Variants in EIF4ENIF1 observed in about 807,000 individuals in gnomAD.
EIF4ENIF1 encodes the protein eukaryotic translation initiation factor 4E nuclear import factor 1.
In EIF4ENIF1, 23 loss-of-function variants were observed where a neutral mutation model predicts 110.5. The ratio of observed to expected loss-of-function variants is 0.21; its 90% CI spans 0.15 to 0.29. EIF4ENIF1 has a LOEUF of 0.29. EIF4ENIF1 is among the 10% of genes least tolerant of loss of function. EIF4ENIF1 has a pLI of 1.00. For synonymous variants in EIF4ENIF1, 440 were observed against 437.0 expected, an observed-to-expected ratio of 1.01 and a Z score of -0.09; for missense variants, 1,031 against 1,221.1, an observed-to-expected ratio of 0.84 and a Z score of 2.32.
At position 31,480,444 on chromosome 22, in the gene EIF4ENIF1, T is replaced by C. The variant is rs1174837406; in HGVS notation, c.96+8179A>G. ...TGTAGAATTTCACATAAGTCACATT[T>C]ATGGAAGGGGGATTAAAAGGGAAAT... On this transcript the variant is annotated intron_variant, in intron 2 of 18. Transcript: ENST00000330125. Among the ~76,000 whole-genome samples, 31 of 152,216 alleles carry C rather than the reference T, an allele frequency of 2.0e-4. 1 individual carries two copies. The highest frequency in any genetic ancestry group is 2.0e-3 in the Admixed American group (30 of 15,274).
chr22:31,486,469 AAAT>A (rs1468501800), intron 2 of EIF4ENIF1, among the ~76,000 whole-genome samples: 2 of 151,536 alleles, frequency 1.3e-5, no homozygotes, highest in African/African-American at 4.8e-5. Flanking sequence ...GGCTCAAAAA[AAAT>A]AATAAACAAA....
At position 31,441,917 on chromosome 22, in the gene EIF4ENIF1, G is replaced by C; in HGVS notation, c.2408C>G (p.Pro803Arg). ...AACTTGGTGGACAGGGCGGAGAAAA[G>C]GTGTTGTAGGAACTGGGGATGCCAA... ...PTLASPVPTT[P>R]FLRPVHQVPL... Residue 803 changes from proline (P) to arginine (R), a missense_variant, in exon 17 of 19, where the codon CCT (proline) becomes CGT (arginine). By Grantham distance (103) the Pro-to-Arg change is moderately radical. This residue lies in a region of EIF4ENIF1 where 309 missense variants were observed against 299.1 expected (regional missense o/e 1.03). Transcript: ENST00000330125. 6.2e-7 allele frequency: 1 copy of C among 1,614,174 alleles called. No individual in the cohort carries two copies. Among genetic ancestry groups the C allele is most frequent in the Non-Finnish European group, 8.5e-7 (1 of 1,180,030 alleles).
chr22:31,478,914 T>C (rs1283635426), intron 2 of EIF4ENIF1, among the ~76,000 whole-genome samples: 2 of 143,474 alleles, frequency 1.4e-5, no homozygotes, highest in African/African-American at 2.6e-5. Flanking sequence ...ATCGCACCAC[T>C]GCACCCCAGC....
intron 2 of EIF4ENIF1, among the ~76,000 whole-genome samples, chr22:31,484,071 A>C (rs1204737906): frequency 1.3e-5 from 2 of 152,188 alleles, no homozygotes; most frequent in African/African-American, 2.4e-5. Context: ...GACACCACCA[A>C]CACCATTTAT....
chr22:31,440,013 T>C lies in EIF4ENIF1; in HGVS notation c.2825A>G (p.Glu942Gly). The part of the protein sequence containing the change: ...SGLPHMHSQL[E>G]HRPSQRSSSP... Reference sequence around the variant, plus strand: ...GCTGCTCCTCTGGCTGGGGCGATGCTCCAGCTGGGAGTGCATGTGGGGCAG... The same window carrying C: ...GCTGCTCCTCTGGCTGGGGCGATGCCCCAGCTGGGAGTGCATGTGGGGCAG... Residue 942 changes from glutamate (E) to glycine (G), a missense_variant, in exon 19 of 19, where the codon GAG becomes GGG. Transcript: ENST00000330125. 2.5e-6 allele frequency: 4 copies of C among 1,613,926 alleles called. No individual in the cohort carries two copies. The highest frequency in any genetic ancestry group is 3.4e-6 in the Non-Finnish European group (4 of 1,179,908).
chr22:31,486,398 A>G (rs886994235), intron 2 of EIF4ENIF1, among the ~76,000 whole-genome samples: 1 of 152,010 alleles, frequency 6.6e-6, no homozygotes, highest in Non-Finnish European at 1.5e-5. Flanking sequence ...AGGGAGGCAG[A>G]GGTTGCAGTG....
chr22:31,455,498 AAGCG>A (rs2050787779), intron 8 of EIF4ENIF1, among the ~76,000 whole-genome samples, 183 bp from the exon 9 acceptor site: 1 of 150,816 alleles, frequency 6.6e-6, no homozygotes, highest in Admixed American at 6.6e-5. Flanking sequence ...TGCCAGTTTC[AAGCG>A]ATTCTCCTGC....
Position 31,440,002 on chromosome 22 carries a change from T to A in EIF4ENIF1, c.2836A>T (p.Ser946Cys), listed in dbSNP as rs755627422. Residue 946 changes from serine to cysteine, a missense_variant, in exon 19 of 19, where the codon AGC (serine) becomes TGC (cysteine). Coordinates refer to ENST00000330125, the MANE Select transcript of EIF4ENIF1 (RefSeq NM_019843.4). ...CCCACAGGGGAGCTGCTCCTCTGGC[T>A]GGGGCGATGCTCCAGCTGGGAGTGC... ...HMHSQLEHRP[S>C]QRSSSPVGLA... The A allele has an allele frequency of 3.1e-6, 5 of 1,613,892 alleles. No individual in the cohort carries two copies. The highest frequency in any genetic ancestry group is 4.2e-6 in the Non-Finnish European group (5 of 1,179,944).
chr22:31,482,274 G>T (rs1341865075), intron 2 of EIF4ENIF1, among the ~76,000 whole-genome samples: 1 of 152,162 alleles, frequency 6.6e-6, no homozygotes, highest in Non-Finnish European at 1.5e-5. Context: ...AATGTTCTGA[G>T]TGTCTCTGCT....
At chr22:31,443,753 T>C (rs879441001) in intron 15 of EIF4ENIF1, among the ~76,000 whole-genome samples, 4 of 151,686 alleles carry the variant, frequency 2.6e-5, no homozygotes, top group Non-Finnish European at 4.4e-5. Context: ...TTTTTTTTTT[T>C]CCTTCTTCTC....
chr22:31,447,545 T>C lies in EIF4ENIF1; in HGVS notation c.1869A>G (p.Gln623=), dbSNP rs2050513097. The change falls in exon 14 of 19, where the codon CAA becomes CAG. Residue 623 remains glutamine, a synonymous_variant. Transcript: ENST00000330125. ...ITAQMSQLEL[Q]QAALEGLALP... Reference sequence around the variant, plus strand: ...AGGCCAGCCCTTCTAAAGCTGCCTGTTGCAACTCCAGCTGGCTCATCTGCT... The same window carrying C: ...AGGCCAGCCCTTCTAAAGCTGCCTGCTGCAACTCCAGCTGGCTCATCTGCT... 6.2e-7 allele frequency: 1 copy of C among 1,606,524 alleles called. No individual in the cohort carries two copies. Among genetic ancestry groups the C allele is most frequent in the Non-Finnish European group, 8.5e-7 (1 of 1,175,032 alleles).
intron 6 of EIF4ENIF1, among the ~76,000 whole-genome samples, chr22:31,461,253 GT>G (rs2050984180): frequency 6.6e-6 from 1 of 152,178 alleles, no homozygotes; most frequent in Non-Finnish European, 1.5e-5. Context: ...TGGCTCTACA[GT>G]GCCTCCTTCC....
chr22:31,454,290 G>T lies in EIF4ENIF1; in HGVS notation c.1366C>A (p.Pro456Thr). 6.2e-7 allele frequency: 1 copy of T among 1,614,110 alleles called. No homozygotes were observed. Among genetic ancestry groups the T allele is most frequent in the Non-Finnish European group, 8.5e-7 (1 of 1,180,024 alleles). The change falls in exon 10 of 19, where the codon CCC becomes ACC. Residue 456 changes from proline to threonine, a missense_variant. Physicochemically the swap from Pro to Thr is conservative, Grantham distance 38. Around this residue, in one of 3 missense-constraint regions of EIF4ENIF1, gnomAD observed 704 missense variants for 879.7 expected, o/e 0.80. Coordinates refer to ENST00000330125, the MANE Select transcript of EIF4ENIF1 (RefSeq NM_019843.4). The part of the protein sequence containing the change: ...KVDQQVKNST[P>T]FMAEHLEETL... ...TCTTCTAGGTGTTCTGCCATGAAGGGAGTTGAATTCTTCACTTGCTGGTCA... is the reference window on the plus strand; with the variant it reads ...TCTTCTAGGTGTTCTGCCATGAAGGTAGTTGAATTCTTCACTTGCTGGTCA...
chr22:31,469,986 A>C (rs2051310758), intron 3 of EIF4ENIF1, among the ~76,000 whole-genome samples: 1 of 151,886 alleles, frequency 6.6e-6, no homozygotes, highest in Non-Finnish European at 1.5e-5. Flanking sequence ...CAACATGGTG[A>C]AACCCCGTCT....
intron 3 of EIF4ENIF1, among the ~76,000 whole-genome samples, chr22:31,471,572 C>T (rs928137590): frequency 1.3e-5 from 2 of 152,186 alleles, no homozygotes; most frequent in Non-Finnish European, 2.9e-5. Context: ...CCTTGGCCTC[C>T]CAAAGTGCTG....
Position 31,454,125 on chromosome 22 carries a change from G to A in EIF4ENIF1, c.1512+19C>T, listed in dbSNP as rs1157541015. The A allele has an allele frequency of 1.9e-6, 3 of 1,603,714 alleles. No individual in the cohort carries two copies. Among genetic ancestry groups the A allele is most frequent in the African/African-American group, 2.7e-5 (2 of 74,806 alleles). On this transcript the variant is annotated intron_variant, in intron 10 of 18. Transcript: ENST00000330125. ...AAAAAAAAGGAGAAAAGGGTGGGGG[G>A]TTTGTGTCAGATACTTACGCTGACT...
At chr22:31,443,419 T>TCTGCGAAAG (rs695368) in intron 15 of EIF4ENIF1, 200,197 of 222,064 alleles carry the variant, frequency 0.9, 90,669 homozygotes, top group South Asian at 0.93. Flanking sequence ...AGACCTTCCT[T>TCTGCGAAAG]GACATTTCAA....
At chr22:31,444,744 T>G in intron 14 of EIF4ENIF1, 54 bp from the exon 15 acceptor site, 1 of 1,527,890 alleles carries the variant, frequency 6.5e-7, no homozygotes, top group Non-Finnish European at 9.1e-7. Context: ...CTTCAAGTCT[T>G]AAAACCATAT....
chr22:31,484,785 T>A lies in EIF4ENIF1; in HGVS notation c.96+3838A>T, dbSNP rs547140885. ...GGGCGGAGGTTGCGGTGAGCGGAGA[T>A]GGCGCCATTGCACTCCAGCCTGGGC... is the stretch of plus-strand genomic sequence containing the variant. On this transcript the variant is annotated intron_variant, in intron 2 of 18. Coordinates refer to ENST00000330125, the MANE Select transcript of EIF4ENIF1 (RefSeq NM_019843.4). Among the ~76,000 whole-genome samples the A allele has an allele frequency of 3.3e-5, 5 of 152,280 alleles. No homozygotes were observed. In the East Asian group the frequency reaches 9.6e-4, roughly 29 times the overall value.
Sources: allele counts gnomAD v4.1 joint callset (sites outside exome capture counted in the v4.1 genomes callset), GRCh38; gene constraint gnomAD v4.1.1; regional missense constraint gnomAD v4.1.1; transcripts MANE v1.5; gene names NCBI Gene and HGNC (gene_info 2026-07-23, HGNC 2026-07-21).